Variants in PRR16 observed in about 807,000 individuals in gnomAD.
PRR16 encodes the protein proline rich 16.
In PRR16, 6 loss-of-function variants were observed where a neutral mutation model predicts 18.2. The observed-to-expected ratio is 0.33, with a 90% CI of 0.18 to 0.65. The LOEUF is 0.65. Among genes scored for constraint, PRR16 ranks in the 30% least tolerant of loss-of-function variants. The probability of loss-of-function intolerance (pLI) is 0.74; values close to 1 mark genes in which losing one functional copy is unlikely to be tolerated. For synonymous variants in PRR16, 151 were observed against 147.8 expected, an observed-to-expected ratio of 1.02 and a Z score of -0.16; for missense variants, 412 against 376.6, an observed-to-expected ratio of 1.09 and a Z score of -0.78.
chr5:120,764,120 A>G, the PRR16 span, among the ~76,000 whole-genome samples: 21,846 of 151,992 alleles, frequency 0.14, 2,304 homozygotes, highest in African/African-American at 0.3. Context: ...GTGAAAGAAG[A>G]CATATTTGTC....
chr5:120,632,618 G>A (rs1755095833), intron 1 of PRR16, among the ~76,000 whole-genome samples: 1 of 152,056 alleles, frequency 6.6e-6, no homozygotes, highest in African/African-American at 2.4e-5. Flanking sequence ...CGAAGAAGCG[G>A]AAGAAAGAAC....
intron 1 of PRR16, among the ~76,000 whole-genome samples, chr5:120,540,060 G>C (rs1014793043): frequency 6.6e-6 from 1 of 152,138 alleles, no homozygotes; most frequent in African/African-American, 2.4e-5. Context: ...TTTGAAACCA[G>C]TTTACTTTTG....
chr5:120,761,581 A>G, the PRR16 span, among the ~76,000 whole-genome samples: 2 of 152,112 alleles, frequency 1.3e-5, no homozygotes, highest in Non-Finnish European at 2.9e-5. Context: ...TATTTTGTTT[A>G]GATTTATCTT....
chr5:120,645,268 T>C (rs1334485225), intron 1 of PRR16, among the ~76,000 whole-genome samples: 2 of 151,888 alleles, frequency 1.3e-5, no homozygotes, highest in Non-Finnish European at 2.9e-5. Flanking sequence ...CATATTGTAA[T>C]GGAGCTGAGA....
intron 1 of PRR16, among the ~76,000 whole-genome samples, chr5:120,517,677 A>C (rs760017231): frequency 1.3e-5 from 2 of 152,276 alleles, no homozygotes; most frequent in East Asian, 3.9e-4. Context: ...TAGAGCTCCA[A>C]AATATCCTGG....
At chr5:120,646,410 G>A (rs1755604274) in intron 1 of PRR16, among the ~76,000 whole-genome samples, 1 of 151,854 alleles carries the variant, frequency 6.6e-6, no homozygotes, top group African/African-American at 2.4e-5. Context: ...TAGAATTTTA[G>A]CAGCCAAGAT....
At chr5:120,483,954 A>G (rs1490761293) in intron 1 of PRR16, among the ~76,000 whole-genome samples, 3 of 152,018 alleles carry the variant, frequency 2.0e-5, no homozygotes, top group South Asian at 2.1e-4. Flanking sequence ...AACATTAACA[A>G]TCTTAATTTT....
At chr5:120,511,477 G>T (rs547671380) in intron 1 of PRR16, among the ~76,000 whole-genome samples, 28 of 152,224 alleles carry the variant, frequency 1.8e-4, no homozygotes, top group Non-Finnish European at 2.9e-4. Flanking sequence ...CAAATGGCTT[G>T]TCTTATCTCT....
the PRR16 span, among the ~76,000 whole-genome samples, chr5:120,703,261 T>C: frequency 6.6e-6 from 1 of 152,188 alleles, no homozygotes; most frequent in Non-Finnish European, 1.5e-5. Flanking sequence ...ACTAGCCATT[T>C]ACACTTCTTT....
chr5:120,747,941 C>T, the PRR16 span, among the ~76,000 whole-genome samples: 3 of 152,228 alleles, frequency 2.0e-5, no homozygotes, highest in South Asian at 6.2e-4. Context: ...CGATTCCCCA[C>T]ATTTTAGAAT....
the PRR16 span, among the ~76,000 whole-genome samples, chr5:120,758,974 CTTTT>C: frequency 1.1e-4 from 12 of 110,350 alleles, no homozygotes; most frequent in African/African-American, 3.9e-4. Context: ...ACCATAATTT[CTTTT>C]TTTTTTTTTT....
chr5:120,718,520 G>A, the PRR16 span, among the ~76,000 whole-genome samples: 1 of 152,006 alleles, frequency 6.6e-6, no homozygotes, highest in Non-Finnish European at 1.5e-5. Context: ...TCTTGTGTGT[G>A]TTTTTTAAGG....
At chr5:120,511,025 A>G (rs1446651992) in intron 1 of PRR16, among the ~76,000 whole-genome samples, 1 of 152,144 alleles carries the variant, frequency 6.6e-6, no homozygotes, top group Non-Finnish European at 1.5e-5. Flanking sequence ...TGGCATACTG[A>G]ATGTGGATCT....
At chr5:120,507,600 T>C (rs1211603377) in intron 1 of PRR16, among the ~76,000 whole-genome samples, 1 of 152,170 alleles carries the variant, frequency 6.6e-6, no homozygotes, top group Non-Finnish European at 1.5e-5. Flanking sequence ...AGTTTGTATA[T>C]ATAAAGCCTG....
chr5:120,721,104 A>G, the PRR16 span, among the ~76,000 whole-genome samples: 1 of 152,102 alleles, frequency 6.6e-6, no homozygotes, highest in Non-Finnish European at 1.5e-5. Flanking sequence ...TGCTCCATAA[A>G]TAGTTGTTCA....
At chr5:120,477,493 A>G (rs796554547) in intron 1 of PRR16, among the ~76,000 whole-genome samples, 13 of 152,180 alleles carry the variant, frequency 8.5e-5, no homozygotes, top group African/African-American at 3.1e-4. Flanking sequence ...CCAAAGTCTG[A>G]CCAATTTTTA....
At chr5:120,634,188 C>G (rs1755152214) in intron 1 of PRR16, among the ~76,000 whole-genome samples, 1 of 152,040 alleles carries the variant, frequency 6.6e-6, no homozygotes, top group South Asian at 2.1e-4. Context: ...CACTGGGTCA[C>G]AATGAAATCA....
intron 1 of PRR16, among the ~76,000 whole-genome samples, chr5:120,549,748 CT>C (rs1262410510): frequency 6.6e-6 from 1 of 151,818 alleles, no homozygotes; most frequent in Non-Finnish European, 1.5e-5. Context: ...TTTACCTTGA[CT>C]TTAGGTGATT....
At chr5:120,754,406 C>CTATATAGTATATATTATATAATATATAG in the PRR16 span, among the ~76,000 whole-genome samples, 42 of 37,596 alleles carry the variant, frequency 1.1e-3, no homozygotes, top group East Asian at 3.8e-3. Flanking sequence ...ATATATTATA[C>CTATATAGTATATATTATATAATATATAG]TATATACTAT....
Sources: allele counts gnomAD v4.1 joint callset (sites outside exome capture counted in the v4.1 genomes callset), GRCh38; gene constraint gnomAD v4.1.1; transcripts MANE v1.5; gene names NCBI Gene and HGNC (gene_info 2026-07-23, HGNC 2026-07-21).